Variants in NR2F1-AS1 observed in about 807,000 individuals in gnomAD.
The protein encoded by NR2F1-AS1 is NR2F1 antisense RNA 1.
intron 4 of NR2F1-AS1, among the ~76,000 whole-genome samples, chr5:93,506,775 T>C (rs1751194109): frequency 6.6e-6 from 1 of 152,118 alleles, no homozygotes; most frequent in African/African-American, 2.4e-5. Flanking sequence ...TTCTGGGAAA[T>C]ACAATTCAAG....
At chr5:93,569,988 T>C (rs572065580) in intron 1 of NR2F1-AS1, 1 of 152,322 alleles carries the variant, frequency 6.6e-6, no homozygotes, top group African/African-American at 2.4e-5. Flanking sequence ...AGTATTTCCG[T>C]TTCTCAGTCC....
intron 2 of NR2F1-AS1, among the ~76,000 whole-genome samples, chr5:93,561,690 T>C (rs749803490): frequency 6.6e-6 from 1 of 152,066 alleles, no homozygotes; most frequent in Non-Finnish European, 1.5e-5. Context: ...GAAGGATCAC[T>C]TGAGCCCAAG....
intron 4 of NR2F1-AS1, among the ~76,000 whole-genome samples, chr5:93,517,130 A>G (rs1751414110): frequency 6.6e-6 from 1 of 151,958 alleles, no homozygotes. Flanking sequence ...TCTTATTATC[A>G]TCTTCCCTAA....
intron 4 of NR2F1-AS1, among the ~76,000 whole-genome samples, chr5:93,541,401 T>G (rs138245645): frequency 2.0e-3 from 306 of 152,296 alleles, no homozygotes; most frequent in African/African-American, 7.1e-3. Context: ...TCTTTCAGTC[T>G]CCCTCAATGG....
At chr5:93,580,314 C>T (rs1267896831) in intron 1 of NR2F1-AS1, among the ~76,000 whole-genome samples, 4 of 152,270 alleles carry the variant, frequency 2.6e-5, no homozygotes, top group Non-Finnish European at 5.9e-5. Context: ...GGGCAACTCC[C>T]GAGCAGGCCC....
intron 4 of NR2F1-AS1, among the ~76,000 whole-genome samples, chr5:93,492,284 T>G (rs991276280): frequency 6.6e-6 from 1 of 152,132 alleles, no homozygotes; most frequent in Admixed American, 6.5e-5. Flanking sequence ...GAAAAAACCT[T>G]AACAGACAGA....
rs75438629 is a variant in NR2F1-AS1, at chr5:93,448,599, T to G, written n.639-53057A>C. Reference sequence around the variant, plus strand: ...GGTACTTGCATAATAAAGCATTGGCTCACATAATTATTGAAGCTGACAAGT... The same window carrying G: ...GGTACTTGCATAATAAAGCATTGGCGCACATAATTATTGAAGCTGACAAGT... On this transcript the variant is annotated intron_variant and non_coding_transcript_variant, in intron 4 of 5. Coordinates refer to ENST00000660523, the Ensembl canonical transcript of NR2F1-AS1. 5.4e-3 allele frequency among the ~76,000 whole-genome samples: 826 copies of G among 152,278 alleles called. 8 individuals are homozygous for G. The highest frequency in any genetic ancestry group is 0.017 in the Middle Eastern group (5 of 294).
intron 4 of NR2F1-AS1, among the ~76,000 whole-genome samples, chr5:93,548,697 T>C (rs1752150628): frequency 6.6e-6 from 1 of 151,040 alleles, no homozygotes; most frequent in African/African-American, 2.4e-5. Flanking sequence ...ACCCTGTCTC[T>C]ACTAAAAATA....
In NR2F1-AS1 at chr5:93,579,795, G is replaced by A. The variant is rs1042341663; in HGVS notation, n.313+672C>T. On this transcript the variant is annotated intron_variant and non_coding_transcript_variant, in intron 1 of 5. Transcript: ENST00000660523. This position sits in a 1 kb window ranked among gnomAD's most constrained non-coding sequence, Gnocchi z 5.1. Reference sequence around the variant, plus strand: ...CCCCAGCCGGCTGGCAGCGGCGCAGGGAGTCTGGCTCGGCTGCTAGGCTGC... The same window carrying A: ...CCCCAGCCGGCTGGCAGCGGCGCAGAGAGTCTGGCTCGGCTGCTAGGCTGC... Among the ~76,000 whole-genome samples, 24 of 152,196 alleles carry A rather than the reference G, an allele frequency of 1.6e-4. No individual in the cohort carries two copies. Among genetic ancestry groups the A allele is most frequent in the African/African-American group, 5.3e-4 (22 of 41,456 alleles).
At chr5:93,489,716 G>C (rs1750797895) in intron 4 of NR2F1-AS1, among the ~76,000 whole-genome samples, 1 of 152,182 alleles carries the variant, frequency 6.6e-6, no homozygotes, top group Non-Finnish European at 1.5e-5. Flanking sequence ...TTGTTTGCTA[G>C]TGTGAGTTCT....
At chr5:93,537,949 C>T (rs988844430) in intron 4 of NR2F1-AS1, among the ~76,000 whole-genome samples, 1 of 152,080 alleles carries the variant, frequency 6.6e-6, no homozygotes, top group Admixed American at 6.6e-5. Context: ...ACTGCAGTTT[C>T]CCCACATATC....
intron 4 of NR2F1-AS1, among the ~76,000 whole-genome samples, chr5:93,484,461 T>A (rs1407271854): frequency 6.6e-6 from 1 of 151,844 alleles, no homozygotes; most frequent in Non-Finnish European, 1.5e-5. Flanking sequence ...GCACTAAACA[T>A]GGAAAGGAAA....
chr5:93,544,752 T>C (rs1752037362), intron 4 of NR2F1-AS1: 1 of 151,796 alleles, frequency 6.6e-6, no homozygotes, highest in Non-Finnish European at 1.5e-5. Context: ...TGCAACCCCA[T>C]CTCTACTAAA....
chr5:93,444,020 A>C (rs1298929855), intron 4 of NR2F1-AS1, among the ~76,000 whole-genome samples: 4 of 152,212 alleles, frequency 2.6e-5, no homozygotes, highest in Non-Finnish European at 5.9e-5. Context: ...TGTCACCACC[A>C]GGCCTGCCCT....
chr5:93,456,090 AAAT>A (rs762174296), intron 4 of NR2F1-AS1, among the ~76,000 whole-genome samples: 2 of 152,192 alleles, frequency 1.3e-5, no homozygotes, highest in Non-Finnish European at 2.9e-5. Flanking sequence ...CTAGAGAAAA[AAAT>A]AATAACAGGC....
At chr5:93,445,960 T>A (rs921001736) in intron 4 of NR2F1-AS1, among the ~76,000 whole-genome samples, 3 of 152,200 alleles carry the variant, frequency 2.0e-5, no homozygotes, top group African/African-American at 7.2e-5. Flanking sequence ...CACATGATTA[T>A]CTCAATAGAT....
chr5:93,528,862 C>T (rs1464249459), intron 4 of NR2F1-AS1, among the ~76,000 whole-genome samples: 1 of 147,366 alleles, frequency 6.8e-6, no homozygotes, highest in Non-Finnish European at 1.5e-5. Flanking sequence ...AACACATGGA[C>T]ACATGGAGGG....
chr5:93,422,252 T>A (rs1158548930), intron 4 of NR2F1-AS1: 2 of 152,370 alleles, frequency 1.3e-5, no homozygotes, highest in African/African-American at 4.8e-5. Context: ...CTGGCTCACC[T>A]ACATCCTTTC....
chr5:93,558,182 G>T (rs2149917192), intron 2 of NR2F1-AS1, among the ~76,000 whole-genome samples: 1 of 152,242 alleles, frequency 6.6e-6, no homozygotes, highest in South Asian at 2.1e-4. Context: ...GATATTCTGA[G>T]CTCCTCCCAT....
Sources: gnomAD v4.1 joint callset for allele counts (sites outside exome capture counted in the v4.1 genomes callset) on GRCh38, gnomAD v4.1.1 for gene constraint, Gnocchi (gnomAD v3.1) non-coding constraint, MANE v1.5 for transcripts, NCBI Gene and HGNC (gene_info 2026-07-23, HGNC 2026-07-21) for gene names.